MIS18A: variants seen among roughly 807,000 people sequenced by gnomAD.
MIS18A encodes MIS18 kinetochore protein A, also known as protein Mis18-alpha.
In MIS18A, 14 loss-of-function variants were observed where a neutral mutation model predicts 25.0. The observed-to-expected ratio is 0.56, with a 90% CI of 0.37 to 0.88. MIS18A has a LOEUF of 0.88. Ranked by LOEUF, MIS18A falls within the 40% of genes least tolerant of loss-of-function variation. The pLI, the probability that MIS18A is intolerant of heterozygous loss-of-function variation, is 0.00. For synonymous variants in MIS18A, 134 were observed against 118.6 expected (o/e 1.13, Z -0.84); for missense variants, 292 against 290.8 (o/e 1.00, Z -0.03).
chr21:32,270,440 T>C lies in MIS18A; in HGVS notation c.491A>G (p.Asp164Gly). The C allele has an allele frequency of 6.2e-7, 1 of 1,613,864 alleles. No homozygotes were observed. The highest frequency in any genetic ancestry group is 2.2e-5 in the East Asian group (1 of 44,858). The change falls in exon 3 of 5, where the codon GAC becomes GGC. Residue 164 changes from aspartate (D) to glycine (G), a missense_variant. Physicochemically the swap from Asp to Gly is moderately conservative, Grantham distance 94 (BLOSUM62 -1). Coordinates refer to ENST00000290130, the MANE Select transcript of MIS18A (RefSeq NM_018944.3). ...CTPKNLDYKR[D>G]LFCLSVEAIE... ...GGCTTCAACACTGAGGCAAAACAAG[T>C]CTCTCTTGTAATCAAGATTCTTGGG... is the stretch of plus-strand genomic sequence containing the variant.
In MIS18A at chr21:32,275,226, TA is replaced by T. The variant is rs372150098; in HGVS notation, c.335-331del. Among the ~76,000 whole-genome samples the T allele has an allele frequency of 1.5e-3, 234 of 152,220 alleles. 4 individuals are homozygous for T. In the East Asian group the frequency reaches 0.042, roughly 27 times the overall value. ...CCATCTCTAAAAAAAAATTTTTAAATAAAAATTTAAGAAAAATTTTAAAAGG... is the reference window on the plus strand; with the variant it reads ...CCATCTCTAAAAAAAAATTTTTAAATAAAATTTAAGAAAAATTTTAAAAGG... On this transcript the variant is annotated intron_variant, in intron 1 of 4. Transcript: ENST00000290130.
At chr21:32,216,797 T>C in the MIS18A span, among the ~76,000 whole-genome samples, 2 of 152,198 alleles carry the variant, frequency 1.3e-5, no homozygotes, top group Non-Finnish European at 2.9e-5. Context: ...CCAATACACA[T>C]ACAGAACCTC....
the MIS18A span, among the ~76,000 whole-genome samples, chr21:32,246,653 T>C: frequency 6.6e-6 from 1 of 152,154 alleles, no homozygotes; most frequent in East Asian, 1.9e-4. Flanking sequence ...TTCCTTCTCT[T>C]TATCTTATCC....
At chr21:32,198,203 G>A in the MIS18A span, among the ~76,000 whole-genome samples, 2 of 152,356 alleles carry the variant, frequency 1.3e-5, no homozygotes, top group African/African-American at 4.8e-5. Flanking sequence ...GCACATATGG[G>A]AAGGGAAGGA....
chr21:32,238,125 A>T, the MIS18A span, among the ~76,000 whole-genome samples: 2 of 152,242 alleles, frequency 1.3e-5, no homozygotes, highest in Non-Finnish European at 2.9e-5. Flanking sequence ...TAAGGCAGAA[A>T]AGCCATTTTC....
At chr21:32,236,875 A>G in the MIS18A span, among the ~76,000 whole-genome samples, 1 of 152,272 alleles carries the variant, frequency 6.6e-6, no homozygotes, top group Admixed American at 6.5e-5. Flanking sequence ...GAGAATGGAT[A>G]TGGGGGTACA....
chr21:32,209,722 G>A, the MIS18A span, among the ~76,000 whole-genome samples: 5 of 152,158 alleles, frequency 3.3e-5, no homozygotes, highest in Non-Finnish European at 2.9e-5. Context: ...TAGTGCTGCT[G>A]TTCTCATCAT....
Position 32,269,047 on chromosome 21 carries a change from C to A in MIS18A, c.692G>T (p.Cys231Phe). 1 of 1,600,252 alleles carries A rather than the reference C, an allele frequency of 6.2e-7. No individual in the cohort carries two copies. The highest frequency in any genetic ancestry group is 8.5e-7 in the Non-Finnish European group (1 of 1,171,480). The change falls in exon 5 of 5, where the codon TGT becomes TTT. Residue 231 changes from cysteine to phenylalanine, a missense_variant. Physicochemically the swap from Cys to Phe is radical, Grantham distance 205. Transcript: ENST00000290130. Reference sequence around the variant, plus strand: ...GACACAGACTAGAGTTCAGCTTTTACAAGTGGCAAAGGACAATTTGGATTC... The same window carrying A: ...GACACAGACTAGAGTTCAGCTTTTAAAAGTGGCAAAGGACAATTTGGATTC... The part of the protein sequence containing the change: ...EAESKLSFAT[C>F]KS
At chr21:32,232,769 G>A in the MIS18A span, among the ~76,000 whole-genome samples, 2 of 152,234 alleles carry the variant, frequency 1.3e-5, no homozygotes, top group African/African-American at 4.8e-5. Context: ...AAGAAATGAA[G>A]AGATATAGGT....
the MIS18A span, among the ~76,000 whole-genome samples, chr21:32,245,261 C>T: frequency 6.6e-6 from 1 of 152,204 alleles, no homozygotes; most frequent in East Asian, 1.9e-4. Context: ...CTTCTGCCTT[C>T]TAGCGGGCAT....
chr21:32,207,664 T>C, the MIS18A span, among the ~76,000 whole-genome samples: 2 of 152,320 alleles, frequency 1.3e-5, no homozygotes, highest in East Asian at 3.9e-4. Flanking sequence ...TGTTGGAATT[T>C]TTTGGTTTCT....
At chr21:32,164,650 T>C in the MIS18A span, among the ~76,000 whole-genome samples, 1 of 150,662 alleles carries the variant, frequency 6.6e-6, no homozygotes, top group African/African-American at 2.4e-5. Flanking sequence ...TATATTTGTA[T>C]ATATATTTTT....
the MIS18A span, among the ~76,000 whole-genome samples, chr21:32,239,457 A>T: frequency 6.6e-6 from 1 of 152,340 alleles, no homozygotes; most frequent in East Asian, 1.9e-4. Context: ...CAGAAAATAA[A>T]ATCCCAATCA....
chr21:32,235,695 T>C, the MIS18A span, among the ~76,000 whole-genome samples: 1 of 152,194 alleles, frequency 6.6e-6, no homozygotes, highest in Admixed American at 6.5e-5. Context: ...AAGGCGAGTG[T>C]ATAGCCTGCA....
At chr21:32,232,536 G>GTA in the MIS18A span, among the ~76,000 whole-genome samples, 5 of 151,458 alleles carry the variant, frequency 3.3e-5, no homozygotes, top group Admixed American at 1.3e-4. Context: ...TTCATTTTGT[G>GTA]TATATATATA....
chr21:32,270,561 C>T (rs371500960), intron 2 of MIS18A, 32 bp from the exon 3 acceptor site: 115 of 1,493,432 alleles, frequency 7.7e-5, no homozygotes, highest in South Asian at 3.1e-4. Context: ...CTTTAGGAAA[C>T]GAAGCAGCAA....
At chr21:32,222,855 T>C in the MIS18A span, among the ~76,000 whole-genome samples, 1 of 146,690 alleles carries the variant, frequency 6.8e-6, no homozygotes, top group Non-Finnish European at 1.5e-5. Flanking sequence ...AGTGTGAACC[T>C]GGCAGGCGGA....
the MIS18A span, among the ~76,000 whole-genome samples, chr21:32,261,913 T>C: frequency 2.0e-5 from 3 of 152,298 alleles, no homozygotes; most frequent in South Asian, 6.2e-4. Context: ...CACTGTGTTC[T>C]ACAGAAGAAA....
chr21:32,234,043 A>C, the MIS18A span, among the ~76,000 whole-genome samples: 32 of 152,172 alleles, frequency 2.1e-4, no homozygotes, highest in Non-Finnish European at 4.1e-4. Context: ...ATTAAATAAA[A>C]ACTAAGGAAA....
Sources: gnomAD v4.1 joint callset for allele counts (sites outside exome capture counted in the v4.1 genomes callset) on GRCh38, gnomAD v4.1.1 for gene constraint, MANE v1.5 for transcripts, NCBI Gene and HGNC (gene_info 2026-07-23, HGNC 2026-07-21) for gene names.